NPLOC4: variants seen among roughly 807,000 people sequenced by gnomAD.
The protein encoded by NPLOC4 is nuclear protein localization protein 4 homolog.
A neutral mutation model predicts 80.6 loss-of-function variants in NPLOC4; 18 were observed. The observed-to-expected ratio is 0.22, with a 90% CI of 0.15 to 0.33. NPLOC4 has a LOEUF of 0.33. NPLOC4 is among the 10% of genes least tolerant of loss of function. The probability of loss-of-function intolerance (pLI) is 1.00; values close to 1 mark genes in which losing one functional copy is unlikely to be tolerated. For synonymous variants in NPLOC4, 313 were observed against 301.5 expected (o/e 1.04, Z -0.39); for missense variants, 540 against 786.1 (o/e 0.69, Z 3.74).
intron 3 of NPLOC4, among the ~76,000 whole-genome samples, chr17:81,617,112 C>G (rs1207637872): frequency 6.6e-6 from 1 of 152,184 alleles, no homozygotes; most frequent in East Asian, 1.9e-4. Flanking sequence ...CCATGTCTCA[C>G]AGCCCGGATA....
chr17:81,596,655 C>G (rs1222122750), intron 10 of NPLOC4, among the ~76,000 whole-genome samples: 2 of 152,210 alleles, frequency 1.3e-5, no homozygotes, highest in South Asian at 4.1e-4. Context: ...ATTACCAATT[C>G]CTCATCTAAA....
intron 12 of NPLOC4, among the ~76,000 whole-genome samples, chr17:81,587,679 T>G (rs796829635): frequency 1.4e-5 from 2 of 144,152 alleles, no homozygotes; most frequent in South Asian, 2.2e-4. Flanking sequence ...AAGTTGTTTT[T>G]TTTTTTTTTT....
chr17:81,562,956 GA>G (rs112068034), intron 16 of NPLOC4: 43 of 145,154 alleles, frequency 3.0e-4, no homozygotes, highest in East Asian at 8.1e-4. Context: ...AAGGAGGGGG[GA>G]AAAAAAAAAG....
intron 12 of NPLOC4, among the ~76,000 whole-genome samples, chr17:81,584,401 AACTT>A (rs1425630671): frequency 6.6e-6 from 1 of 152,266 alleles, no homozygotes; most frequent in Non-Finnish European, 1.5e-5. Flanking sequence ...AAGTGCAAGA[AACTT>A]ACAATAACGC....
At chr17:81,630,175 T>TG (rs1050430026) in intron 1 of NPLOC4, among the ~76,000 whole-genome samples, 5 of 150,314 alleles carry the variant, frequency 3.3e-5, no homozygotes, top group African/African-American at 9.8e-5. Flanking sequence ...GATGTTACTT[T>TG]GGGGAAAAAA....
At chr17:81,635,682 C>G (rs1290381120) in intron 1 of NPLOC4, among the ~76,000 whole-genome samples, 1 of 152,166 alleles carries the variant, frequency 6.6e-6, no homozygotes, top group Non-Finnish European at 1.5e-5. Context: ...GCTGGGATTA[C>G]AGGTGTGAGT....
chr17:81,619,458 A>G (rs2035602889), intron 3 of NPLOC4, among the ~76,000 whole-genome samples: 1 of 150,548 alleles, frequency 6.6e-6, no homozygotes. Context: ...CTAAGGCAGG[A>G]GAATCGCTTG....
intron 16 of NPLOC4, chr17:81,564,890 C>T (rs1285774758): frequency 1.1e-5 from 2 of 190,328 alleles, no homozygotes; most frequent in Admixed American, 6.0e-5. Context: ...GGCCGTAGCT[C>T]CCGGGCACTC....
chr17:81,575,366 G>T (rs1043754697), intron 12 of NPLOC4, among the ~76,000 whole-genome samples: 2 of 152,236 alleles, frequency 1.3e-5, no homozygotes, highest in African/African-American at 4.8e-5. Context: ...CTCCCAAAGT[G>T]CTGGGACTAC....
At chr17:81,609,936 T>C (rs1460136571) in intron 5 of NPLOC4, among the ~76,000 whole-genome samples, 1 of 152,192 alleles carries the variant, frequency 6.6e-6, no homozygotes, top group Non-Finnish European at 1.5e-5. Context: ...GGAAAAGGAT[T>C]GTCCAGGGAG....
intron 12 of NPLOC4, among the ~76,000 whole-genome samples, chr17:81,575,294 G>A (rs2034268194): frequency 6.6e-6 from 1 of 152,106 alleles, no homozygotes; most frequent in Non-Finnish European, 1.5e-5. Context: ...GTAGAGACGG[G>A]GTTTCACCGT....
chr17:81,608,092 C>T (rs1455190729), intron 6 of NPLOC4, among the ~76,000 whole-genome samples: 3 of 152,160 alleles, frequency 2.0e-5, no homozygotes, highest in Admixed American at 6.5e-5. Context: ...CCACCTCTGC[C>T]CACCTGGCTG....
chr17:81,609,077 G>T lies in NPLOC4; in HGVS notation c.436-255C>A, dbSNP rs540888997. Among the ~76,000 whole-genome samples the T allele has an allele frequency of 1.7e-3, 260 of 152,302 alleles. 1 individual carries two copies. Among genetic ancestry groups the T allele is most frequent in the Non-Finnish European group, 3.3e-3 (226 of 68,032 alleles). ...GCCCAGGCTGGAGTGCAGTGGCACA[G>T]TGGCACAGTCTCTGCTCACTACAAC... On this transcript the variant is annotated intron_variant, in intron 5 of 16. Transcript: ENST00000331134.
At chr17:81,616,307 C>A (rs541756649) in intron 3 of NPLOC4, among the ~76,000 whole-genome samples, 859 of 68,758 alleles carry the variant, frequency 0.012, 5 homozygotes, top group African/African-American at 0.054. Flanking sequence ...GGCGACATAG[C>A]AAGACTCTGT....
intron 1 of NPLOC4, among the ~76,000 whole-genome samples, chr17:81,633,914 T>G (rs1414247069): frequency 5.3e-5 from 8 of 151,450 alleles, no homozygotes; most frequent in Admixed American, 5.3e-4. Flanking sequence ...TCACCCAGGC[T>G]GGAGTGCAGT....
At chr17:81,604,513 C>A (rs1688256935) in intron 8 of NPLOC4, 35 bp downstream of exon 8, 1 of 1,598,556 alleles carries the variant, frequency 6.3e-7, no homozygotes, top group Non-Finnish European at 8.5e-7. Flanking sequence ...CCTCCAAACA[C>A]AGAAACTCAG....
At chr17:81,615,667 G>A (rs1387017997) in intron 3 of NPLOC4, among the ~76,000 whole-genome samples, 1 of 152,176 alleles carries the variant, frequency 6.6e-6, no homozygotes, top group Non-Finnish European at 1.5e-5. Flanking sequence ...GCGGTTTGCT[G>A]GGCACTGGGA....
chr17:81,619,309 G>A (rs1412780351), intron 3 of NPLOC4, among the ~76,000 whole-genome samples: 5 of 151,462 alleles, frequency 3.3e-5, no homozygotes, highest in African/African-American at 1.2e-4. Context: ...CCCGGGAGGT[G>A]GAGCTTGCAG....
At chr17:81,610,763 T>C (rs71373087) in intron 4 of NPLOC4, among the ~76,000 whole-genome samples, 1 of 41,420 alleles carries the variant, frequency 2.4e-5, no homozygotes, top group African/African-American at 6.2e-5. Context: ...CCATCCTGGC[T>C]AACAAGGTGA....
Sources: gnomAD v4.1 joint callset for allele counts (sites outside exome capture counted in the v4.1 genomes callset) on GRCh38, gnomAD v4.1.1 for gene constraint, MANE v1.5 for transcripts, NCBI Gene and HGNC (gene_info 2026-07-23, HGNC 2026-07-21) for gene names.